The following CSMD1 variants were observed in gnomAD, a reference collection of about 807,000 sequenced individuals.
CSMD1 encodes the protein CUB and Sushi multiple domains 1, also known as CUB and sushi domain-containing protein 1.
A neutral mutation model predicts 417.5 loss-of-function variants in CSMD1; 213 were observed. That is an observed-to-expected ratio of 0.51 (90% CI 0.46 to 0.57). CSMD1 has a LOEUF of 0.57. Among genes scored for constraint, CSMD1 ranks in the 20% least tolerant of loss-of-function variants. CSMD1 has a pLI of 0.00. For missense variants in CSMD1, 6,923 were observed against 4,529.7 expected (o/e 1.53, Z -15.17); for synonymous variants, 2,862 against 1,736.8 (o/e 1.65, Z -16.11).
chr8:3,138,924 G>A (rs1818273924), intron 41 of CSMD1, among the ~76,000 whole-genome samples: 1 of 152,196 alleles, frequency 6.6e-6, no homozygotes. Context: ...GAAGAGAGAA[G>A]TTGGAAGAGT....
At chr8:3,608,763 C>CAA (rs10655689) in intron 8 of CSMD1, among the ~76,000 whole-genome samples, 18,067 of 139,048 alleles carry the variant, frequency 0.13, 1,827 homozygotes, top group African/African-American at 0.28. Context: ...GACTCTGTCT[C>CAA]AAAAAAAAAA....
chr8:3,881,948 G>A (rs371669278), intron 5 of CSMD1, among the ~76,000 whole-genome samples: 1 of 152,140 alleles, frequency 6.6e-6, no homozygotes, highest in African/African-American at 2.4e-5. Context: ...AGAGATTACA[G>A]ATCTGAACTT....
chr8:3,392,222 G>T (rs947198856), intron 17 of CSMD1, among the ~76,000 whole-genome samples: 1 of 151,576 alleles, frequency 6.6e-6, no homozygotes, highest in South Asian at 2.1e-4. Context: ...TAACCTGCAC[G>T]TTGTCACATG....
At chr8:3,834,586 T>A (rs1273782614) in intron 5 of CSMD1, among the ~76,000 whole-genome samples, 1 of 152,170 alleles carries the variant, frequency 6.6e-6, no homozygotes, top group Non-Finnish European at 1.5e-5. Context: ...TACAAATATA[T>A]AAATGTAACA....
intron 10 of CSMD1, among the ~76,000 whole-genome samples, chr8:3,505,901 TAAG>T (rs1473770718): frequency 6.6e-6 from 1 of 152,180 alleles, no homozygotes; most frequent in Non-Finnish European, 1.5e-5. Context: ...AACAGTTACT[TAAG>T]GAGGTTCTTT....
intron 3 of CSMD1, among the ~76,000 whole-genome samples, chr8:4,180,544 T>C (rs1025099612): frequency 2.6e-5 from 4 of 151,596 alleles, no homozygotes; most frequent in Non-Finnish European, 4.4e-5. Flanking sequence ...AACCTGCACA[T>C]TGTGCACATG....
chr8:4,556,388 G>C (rs1217293411), intron 2 of CSMD1, among the ~76,000 whole-genome samples: 1 of 152,086 alleles, frequency 6.6e-6, no homozygotes, highest in African/African-American at 2.4e-5. Flanking sequence ...AATTTTAAGA[G>C]CATTGTAAGC....
At position 3,854,347 on chromosome 8, in the gene CSMD1, ATTC is replaced by A. The variant is rs559616053; in HGVS notation, c.819-100308_819-100306del. On this transcript the variant is annotated intron_variant, in intron 5 of 69. Coordinates refer to ENST00000635120, the MANE Select transcript of CSMD1 (RefSeq NM_033225.6). ...TATTTTGTAGTCTTTTTTCAGATAA[ATTC>A]TTTTCCTTTTGATTTTAAGAACACA... Among the ~76,000 whole-genome samples, 1,255 of 151,910 alleles carry A rather than the reference ATTC, an allele frequency of 8.3e-3. 12 individuals are homozygous for A. The highest frequency in any genetic ancestry group is 0.017 in the Middle Eastern group (5 of 294).
At chr8:4,975,213 G>C (rs941545889) in intron 1 of CSMD1, among the ~76,000 whole-genome samples, 3 of 152,084 alleles carry the variant, frequency 2.0e-5, no homozygotes, top group East Asian at 1.9e-4. Context: ...TCTTTCCAAA[G>C]TTATGAAAAT....
intron 5 of CSMD1, among the ~76,000 whole-genome samples, chr8:3,956,728 T>A (rs1384072365): frequency 6.6e-6 from 1 of 152,108 alleles, no homozygotes; most frequent in South Asian, 2.1e-4. Context: ...GGAAGTTCAG[T>A]TGGGCTGAAC....
intron 2 of CSMD1, among the ~76,000 whole-genome samples, chr8:4,444,216 C>G (rs1798648106): frequency 6.6e-6 from 1 of 151,772 alleles, no homozygotes; most frequent in Admixed American, 6.6e-5. Context: ...GTGGCACAGA[C>G]CTGTGATCCC....
intron 1 of CSMD1, among the ~76,000 whole-genome samples, chr8:4,829,351 A>T (rs1222114874): frequency 1.3e-5 from 2 of 152,208 alleles, no homozygotes; most frequent in African/African-American, 4.8e-5. Flanking sequence ...TTACGTGTCT[A>T]TACTGGGCAA....
At chr8:4,337,622 G>C (rs998358459) in intron 3 of CSMD1, among the ~76,000 whole-genome samples, 19 of 152,130 alleles carry the variant, frequency 1.2e-4, no homozygotes, top group Non-Finnish European at 2.2e-4. Flanking sequence ...TTTTAGACAA[G>C]TGTCATGCTG....
chr8:4,086,037 C>T (rs762520827), intron 3 of CSMD1, among the ~76,000 whole-genome samples: 20 of 152,104 alleles, frequency 1.3e-4, no homozygotes, highest in Admixed American at 3.9e-4. Flanking sequence ...CTGTTTTCAA[C>T]AAAAAATAGA....
chr8:4,009,953 A>T (rs985646487), intron 4 of CSMD1, among the ~76,000 whole-genome samples: 1 of 119,628 alleles, frequency 8.4e-6, no homozygotes. Flanking sequence ...TCCAACTCTC[A>T]TCCTCTAAAA....
chr8:4,221,863 G>C (rs1801052025), intron 3 of CSMD1, among the ~76,000 whole-genome samples: 2 of 152,128 alleles, frequency 1.3e-5, no homozygotes, highest in Non-Finnish European at 2.9e-5. Context: ...ACTCAGGAAG[G>C]ATATTAGAGA....
intron 3 of CSMD1, among the ~76,000 whole-genome samples, chr8:4,385,255 T>G (rs1803371581): frequency 6.6e-6 from 1 of 152,210 alleles, no homozygotes; most frequent in Non-Finnish European, 1.5e-5. Context: ...AAATAGGTGT[T>G]TGATGTTTAT....
intron 48 of CSMD1, 95 bp from the exon 49 acceptor site, chr8:3,087,380 C>A: frequency 7.7e-7 from 1 of 1,293,330 alleles, no homozygotes; most frequent in South Asian, 1.3e-5. Context: ...AATGGCTTCT[C>A]ATTTCCAAAA....
chr8:3,500,420 C>T (rs551408845), intron 10 of CSMD1, among the ~76,000 whole-genome samples: 2 of 152,182 alleles, frequency 1.3e-5, no homozygotes, highest in East Asian at 1.9e-4. Context: ...AGGTTCACGA[C>T]CAGACACACA....
Sources: allele counts gnomAD v4.1 joint callset (sites outside exome capture counted in the v4.1 genomes callset), GRCh38; gene constraint gnomAD v4.1.1; transcripts MANE v1.5; gene names NCBI Gene and HGNC (gene_info 2026-07-23, HGNC 2026-07-21).